The following SARM1 variants were observed in gnomAD, a reference collection of about 807,000 sequenced individuals.
SARM1 encodes the protein NAD(+) hydrolase SARM1.
A neutral mutation model predicts 65.1 loss-of-function variants in SARM1; 60 were observed. That is an observed-to-expected ratio of 0.92 (90% CI 0.75 to 1.14). The LOEUF is 1.14. SARM1 is among the 50% of genes most tolerant of loss of function. SARM1 has a pLI of 0.00. For missense variants in SARM1, 913 were observed against 1,015.7 expected, an observed-to-expected ratio of 0.90 and a Z score of 1.37; for synonymous variants, 417 against 465.4, an observed-to-expected ratio of 0.90 and a Z score of 1.34.
At position 28,396,637 on chromosome 17, in the gene SARM1, A is replaced by C; in HGVS notation, c.*351A>C. The C allele has an allele frequency of 3.9e-6, 1 of 259,454 alleles. No homozygotes were observed. Among genetic ancestry groups the C allele is most frequent in the Non-Finnish European group, 7.4e-6 (1 of 134,628 alleles). The allele number at this position is 259,454 out of a possible 1,614,324, so 16.1% of individuals were successfully genotyped here. A position where few individuals can be genotyped will look rare whatever the true frequency, so the allele number is the denominator to read the frequency against. ...TCTCCTGCTGATAGCAGTCAGCTTG[A>C]GGAGGATGACGGAAGGCAGCCTCAG... On this transcript the variant is annotated 3_prime_UTR_variant, in exon 9 of 9. Transcript: ENST00000585482.
chr17:28,381,596 G>A lies in SARM1; in HGVS notation c.864G>A (p.Glu288=). 1.3e-6 allele frequency: 2 copies of A among 1,588,736 alleles called. No homozygotes were observed. The highest frequency in any genetic ancestry group is 2.3e-5 in the East Asian group (1 of 43,644). ...ACAAGGAGGTGGAGCGCGAGGTGGAGCGCTCGGGCACGCTGGCGCTCGTGG... is the reference window on the plus strand; with the variant it reads ...ACAAGGAGGTGGAGCGCGAGGTGGAACGCTCGGGCACGCTGGCGCTCGTGG... ...ATNKEVEREV[E]RSGTLALVEP... Residue 288 remains glutamate, a synonymous_variant, in exon 2 of 9, where the codon GAG becomes GAA. Coordinates refer to ENST00000585482, the MANE Select transcript of SARM1 (RefSeq NM_015077.4).
In SARM1 at chr17:28,381,463, G is replaced by C. The variant is rs576847785; in HGVS notation, c.731G>C (p.Arg244Pro). ...CACGGGGGCCAGGCGGTGCAGCGAC[G>C]CATGGTAGAGAAGCGCGCAGCCGAG... ...ALHGGQAVQRRMVEKRAAEWL... is the reference protein window; with the variant it reads ...ALHGGQAVQRPMVEKRAAEWL... The change falls in exon 2 of 9, where the codon CGC (arginine) becomes CCC (proline). Residue 244 changes from arginine to proline, a missense_variant. This residue lies in a region of SARM1 where 862 missense variants were observed against 952.1 expected (regional missense o/e 0.91). Coordinates refer to ENST00000585482, the MANE Select transcript of SARM1 (RefSeq NM_015077.4). 7.7e-6 allele frequency: 12 copies of C among 1,551,494 alleles called. No homozygotes were observed. In the South Asian group the frequency reaches 1.4e-4, roughly 18 times the overall value.
intron 2 of SARM1, among the ~76,000 whole-genome samples, chr17:28,383,549 G>A (rs1234883540): frequency 6.6e-6 from 1 of 152,188 alleles, no homozygotes; most frequent in Non-Finnish European, 1.5e-5. Context: ...AAAGGAAGTA[G>A]GGAGTGAGGA....
intron 1 of SARM1, among the ~76,000 whole-genome samples, chr17:28,380,540 G>C (rs782417518): frequency 4.6e-5 from 7 of 152,166 alleles, no homozygotes; most frequent in Admixed American, 1.3e-4. Context: ...ATAAGCTCTG[G>C]CCAGTCTCTG....
At chr17:28,388,714 C>T (rs1190946081) in intron 7 of SARM1, among the ~76,000 whole-genome samples, 175 bp downstream of exon 7, 1 of 152,066 alleles carries the variant, frequency 6.6e-6, no homozygotes, top group African/African-American at 2.4e-5. Flanking sequence ...TTTAGCAAAC[C>T]ACAAGGGACA....
intron 7 of SARM1, among the ~76,000 whole-genome samples, chr17:28,393,033 G>A (rs1393985057): frequency 7.9e-5 from 12 of 152,158 alleles, no homozygotes; most frequent in African/African-American, 2.9e-4. Context: ...CATTCAATAA[G>A]CACTTAATGG....
At position 28,371,789 on chromosome 17, in the gene SARM1, C is replaced by T; in HGVS notation, c.-244C>T. ...CGTCCGGAGCCATCCCTCGCCTGCT[C>T]GCTCTCTCCTTTCGCCCACTCCCTG... is the stretch of plus-strand genomic sequence containing the variant. On this transcript the variant is annotated 5_prime_UTR_variant, in exon 1 of 9. Transcript: ENST00000585482. 2.5e-6 allele frequency: 1 copy of T among 399,798 alleles called. No individual in the cohort carries two copies. The highest frequency in any genetic ancestry group is 4.5e-6 in the Non-Finnish European group (1 of 224,670). 24.8% of individuals were successfully genotyped at this position (399,798 alleles called of 1,614,324 possible). A position where few individuals can be genotyped will look rare whatever the true frequency, so the allele number is the denominator to read the frequency against.
intron 1 of SARM1, among the ~76,000 whole-genome samples, chr17:28,376,207 A>T (rs1555584568): frequency 6.6e-6 from 1 of 152,086 alleles, no homozygotes; most frequent in Non-Finnish European, 1.5e-5. Flanking sequence ...GTCTGAATTG[A>T]TATGTTCCTG....
In SARM1 at chr17:28,381,329, C is replaced by G. The variant is rs1035779951; in HGVS notation, c.597C>G (p.Cys199Trp). ...EHMFKHSEETCQRLVAAGGLD... is the reference protein window; with the variant it reads ...EHMFKHSEETWQRLVAAGGLD... Reference sequence around the variant, plus strand: ...TGTTCAAGCATTCGGAGGAGACATGCCAGAGGCTGGTGGCGGCCGGCGGCC... The same window carrying G: ...TGTTCAAGCATTCGGAGGAGACATGGCAGAGGCTGGTGGCGGCCGGCGGCC... The change falls in exon 2 of 9, where the codon TGC (cysteine) becomes TGG (tryptophan). Residue 199 changes from cysteine to tryptophan, a missense_variant. Physicochemically the swap from Cys to Trp is radical, Grantham distance 215. Transcript: ENST00000585482. The G allele has an allele frequency of 1.1e-5, 17 of 1,598,746 alleles. No homozygotes were observed. In the African/African-American group the frequency reaches 1.9e-4, roughly 18 times the overall value.
At position 28,385,238 on chromosome 17, in the gene SARM1, G is replaced by T; in HGVS notation, c.1593G>T (p.Leu531=). ...TGCTGGAAGACTGCGGCATCCACCT[G>T]GGCGTGCACCGCGCCCGCATCCTCA... ...QQLLEDCGIH[L]GVHRARILTA... Residue 531 remains leucine (L), a synonymous_variant, in exon 5 of 9, where the codon CTG becomes CTT. Coordinates refer to ENST00000585482, the MANE Select transcript of SARM1 (RefSeq NM_015077.4). This position sits in a 1 kb window ranked among gnomAD's most constrained non-coding sequence, Gnocchi z 4.5. The T allele has an allele frequency of 6.3e-7, 1 of 1,582,836 alleles. No homozygotes were observed.
rs915523147 is a variant in SARM1, at chr17:28,399,624, C to T, written c.*3338C>T. 7.4e-6 allele frequency: 12 copies of T among 1,613,166 alleles called. No individual in the cohort carries two copies. In the East Asian group the frequency reaches 2.5e-4, roughly 33 times the overall value. ...CCAGTTGCTTGGTGTTCACTTTGCTCCTCTTGCCCTCTGTCTTCTGGTCCA... is the reference window on the plus strand; with the variant it reads ...CCAGTTGCTTGGTGTTCACTTTGCTTCTCTTGCCCTCTGTCTTCTGGTCCA... On this transcript the variant is annotated 3_prime_UTR_variant, in exon 9 of 9. Transcript: ENST00000585482.
chr17:28,372,049 T>A lies in SARM1; in HGVS notation c.17T>A (p.Leu6His). The stretch of plus-strand genomic sequence containing the variant: ...CCCGCGCCCATGGTCCTGACGCTGC[T>A]TCTCTCCGCCTACAAGCTGTGTCGC... MVLTL[L>H]LSAYKLCRFF... Residue 6 changes from leucine (L) to histidine (H), a missense_variant, in exon 1 of 9, where the codon CTT becomes CAT. Leu to His is a moderately conservative substitution (Grantham distance 99). Coordinates refer to ENST00000585482, the MANE Select transcript of SARM1 (RefSeq NM_015077.4). The surrounding 1 kb of genome is among the most constrained non-coding windows in gnomAD (Gnocchi z 5.2). 6.6e-7 allele frequency: 1 copy of A among 1,506,336 alleles called. No homozygotes were observed. Among genetic ancestry groups the A allele is most frequent in the Non-Finnish European group, 8.8e-7 (1 of 1,134,154 alleles). The allele number at this position is 1,506,336 out of a possible 1,614,324, so 93.3% of individuals were successfully genotyped here.
intron 7 of SARM1, among the ~76,000 whole-genome samples, chr17:28,389,752 G>T (rs1555586631): frequency 6.6e-6 from 1 of 152,184 alleles, no homozygotes; most frequent in African/African-American, 2.4e-5. Flanking sequence ...GCCAGGCATG[G>T]TGGCGCACAC....
In SARM1 at chr17:28,385,198, T is replaced by C. The variant is rs1014673627; in HGVS notation, c.1553T>C (p.Val518Ala). 1 of 1,606,768 alleles carries C rather than the reference T, an allele frequency of 6.2e-7. No homozygotes were observed. Among genetic ancestry groups the C allele is most frequent in the Non-Finnish European group, 8.5e-7 (1 of 1,178,116 alleles). ...CTGGACCGCTCCCTGCTGCACCGCG[T>C]GTCTGAGCAGCAGCTGCTGGAAGAC... is the stretch of plus-strand genomic sequence containing the variant. ...CGLDRSLLHR[V>A]SEQQLLEDCG... is the part of the protein sequence containing the mutation. The change falls in exon 5 of 9, where the codon GTG becomes GCG. Residue 518 changes from valine (V) to alanine (A), a missense_variant. Val to Ala is a moderately conservative substitution (Grantham distance 64). Transcript: ENST00000585482. This position sits in a 1 kb window ranked among gnomAD's most constrained non-coding sequence, Gnocchi z 4.5.
At position 28,381,734 on chromosome 17, in the gene SARM1, C is replaced by G. The variant is rs2068026444; in HGVS notation, c.1002C>G (p.Leu334=). The G allele has an allele frequency of 9.2e-6, 14 of 1,529,858 alleles. No individual in the cohort carries two copies. Among genetic ancestry groups the G allele is most frequent in the Non-Finnish European group, 1.1e-5 (12 of 1,139,364 alleles). 94.8% of individuals were successfully genotyped at this position (1,529,858 alleles called of 1,614,324 possible). A position where few individuals can be genotyped will look rare whatever the true frequency, so the allele number is the denominator to read the frequency against. ...PDDLQRLVPL[L]DSNRLEAQCI... ...ACCTGCAGCGCCTCGTGCCGTTGCT[C>G]GACTCTAACCGCTTGGAGGCGCAGT... The change falls in exon 2 of 9, where the codon CTC becomes CTG. Residue 334 remains leucine (L), a synonymous_variant. Coordinates refer to ENST00000585482, the MANE Select transcript of SARM1 (RefSeq NM_015077.4).
chr17:28,395,619 A>AC (rs1555587596), intron 7 of SARM1: 3 of 358,152 alleles, frequency 8.4e-6, no homozygotes, highest in African/African-American at 2.1e-5. Context: ...CCCCCATAGC[A>AC]CCCCCCGGGC....
At chr17:28,386,514 C>G (rs1254982600) in intron 5 of SARM1, 1 of 152,152 alleles carries the variant, frequency 6.6e-6, no homozygotes, top group Non-Finnish European at 1.5e-5. Flanking sequence ...GAGCCCTTGT[C>G]TTTCTGCTTC....
Position 28,400,855 on chromosome 17 carries a change from T to C in SARM1, c.*4569T>C. 1 of 1,216,442 alleles carries C rather than the reference T, an allele frequency of 8.2e-7. No homozygotes were observed. The highest frequency in any genetic ancestry group is 1.2e-6 in the Non-Finnish European group (1 of 848,056). 75.4% of individuals were successfully genotyped at this position (1,216,442 alleles called of 1,614,324 possible). A position where few individuals can be genotyped will look rare whatever the true frequency, so the allele number is the denominator to read the frequency against. Reference sequence around the variant, plus strand: ...CACCTCACAGCTGTGTGACCGGGAGTAGTCACTTAACCTATGTCTCCCCTT... The same window carrying C: ...CACCTCACAGCTGTGTGACCGGGAGCAGTCACTTAACCTATGTCTCCCCTT... On this transcript the variant is annotated 3_prime_UTR_variant, in exon 9 of 9. Coordinates refer to ENST00000585482, the MANE Select transcript of SARM1 (RefSeq NM_015077.4).
At position 28,396,037 on chromosome 17, in the gene SARM1, G is replaced by A; in HGVS notation, c.2045+11G>A. The A allele has an allele frequency of 6.2e-7, 1 of 1,613,888 alleles. No individual in the cohort carries two copies. ...TTTCAACGGTATCAAGTGAGCCCCA[G>A]GGCCCTGGGACCAGGGGGGTAGGGT... On this transcript the variant is annotated intron_variant, in intron 8 of 8. Transcript: ENST00000585482.
Sources: allele counts gnomAD v4.1 joint callset (sites outside exome capture counted in the v4.1 genomes callset), GRCh38; gene constraint gnomAD v4.1.1; regional missense constraint gnomAD v4.1.1; non-coding constraint Gnocchi (gnomAD v3.1); transcripts MANE v1.5; gene names NCBI Gene and HGNC (gene_info 2026-07-23, HGNC 2026-07-21).